SLC35F3: variants seen among roughly 807,000 people sequenced by gnomAD.
SLC35F3 encodes the protein putative thiamine transporter SLC35F3.
In SLC35F3, 25 loss-of-function variants were observed where a neutral mutation model predicts 49.9. The ratio of observed to expected loss-of-function variants is 0.50; its 90% CI spans 0.37 to 0.70. The LOEUF (loss-of-function observed/expected upper bound fraction) is 0.70, where lower values mean the gene tolerates loss of function less well. Among genes scored for constraint, SLC35F3 ranks in the 30% least tolerant of loss-of-function variants. The pLI is 0.00. For synonymous variants in SLC35F3, 275 were observed against 265.4 expected (o/e 1.04, Z -0.35); for missense variants, 525 against 639.8 (o/e 0.82, Z 1.94).
intron 3 of SLC35F3, among the ~76,000 whole-genome samples, chr1:234,259,625 G>A (rs986744501): frequency 2.0e-5 from 3 of 152,072 alleles, no homozygotes; most frequent in Admixed American, 2.0e-4. Flanking sequence ...AGTGAGCGGA[G>A]ATCGTGCCGC....
At chr1:234,099,338 G>T (rs916341452) in intron 2 of SLC35F3, among the ~76,000 whole-genome samples, 1 of 152,118 alleles carries the variant, frequency 6.6e-6, no homozygotes, top group African/African-American at 2.4e-5. Context: ...CCGGCCGTGC[G>T]CTGTGGCTCA....
intron 2 of SLC35F3, among the ~76,000 whole-genome samples, chr1:234,054,621 G>T (rs904319748): frequency 5.3e-5 from 8 of 152,008 alleles, no homozygotes; most frequent in Non-Finnish European, 8.8e-5. Context: ...ATTACCGATT[G>T]TCTGAAGCCT....
intron 2 of SLC35F3, among the ~76,000 whole-genome samples, chr1:233,925,324 G>A (rs570115778): frequency 1.1e-4 from 17 of 152,208 alleles, no homozygotes; most frequent in African/African-American, 3.4e-4. Context: ...CTCCAGTATT[G>A]GGTGCATATA....
At chr1:233,953,227 C>T (rs1662635487) in intron 2 of SLC35F3, among the ~76,000 whole-genome samples, 1 of 151,682 alleles carries the variant, frequency 6.6e-6, no homozygotes. Context: ...AGAAAAGATA[C>T]AAAAACATTA....
intron 2 of SLC35F3, among the ~76,000 whole-genome samples, chr1:234,227,548 A>C (rs12043371): frequency 0.17 from 25,302 of 151,744 alleles, 3,848 homozygotes; most frequent in East Asian, 0.8. Flanking sequence ...ACAGGTGCCC[A>C]CCACCACGCC....
intron 2 of SLC35F3, among the ~76,000 whole-genome samples, chr1:234,081,801 G>A (rs1039160062): frequency 3.3e-5 from 5 of 150,558 alleles, no homozygotes; most frequent in South Asian, 2.1e-4. Flanking sequence ...GCAGTGGCGC[G>A]ATCTGGGCTC....
rs868216237 is a variant in SLC35F3 at position 234,225,113 on chromosome 1, G to A, written c.284-6304G>A. Among the ~76,000 whole-genome samples, 8 of 152,318 alleles carry A rather than the reference G, an allele frequency of 5.3e-5. No individual in the cohort carries two copies. In the South Asian group the frequency reaches 6.2e-4, roughly 12 times the overall value. ...AAGTGGGTTGGGACACGTGAAGTGC[G>A]AATTGCTTTGGGACGTTTGGGGCAT... On this transcript the variant is annotated intron_variant, in intron 2 of 7. Coordinates refer to ENST00000366618, the MANE Select transcript of SLC35F3 (RefSeq NM_173508.4).
chr1:234,266,245 T>TA (rs778455608), intron 3 of SLC35F3, among the ~76,000 whole-genome samples: 40 of 152,022 alleles, frequency 2.6e-4, no homozygotes, highest in South Asian at 1.3e-3. Context: ...CTGCATATTA[T>TA]AAAAAAATAC....
intron 2 of SLC35F3, among the ~76,000 whole-genome samples, chr1:233,925,912 G>T (rs1662149880): frequency 6.6e-6 from 1 of 152,178 alleles, no homozygotes; most frequent in South Asian, 2.1e-4. Flanking sequence ...GGCTGGATAT[G>T]AAATTCTGGG....
chr1:233,962,065 A>G (rs994598326), intron 2 of SLC35F3, among the ~76,000 whole-genome samples: 12 of 152,204 alleles, frequency 7.9e-5, no homozygotes, highest in Admixed American at 7.9e-4. Context: ...AGATATGATC[A>G]TTGTAGCAAC....
intron 2 of SLC35F3, among the ~76,000 whole-genome samples, chr1:233,933,547 G>A (rs1662279301): frequency 6.6e-6 from 1 of 152,094 alleles, no homozygotes; most frequent in East Asian, 1.9e-4. Context: ...GAGGTGAAGA[G>A]CATTTCAGGG....
intron 2 of SLC35F3, among the ~76,000 whole-genome samples, chr1:234,014,725 A>G (rs1663776661): frequency 6.6e-6 from 1 of 152,232 alleles, no homozygotes; most frequent in Non-Finnish European, 1.5e-5. Context: ...AATTCCATTT[A>G]CGCTAACTAA....
chr1:233,952,981 T>C (rs972565811), intron 2 of SLC35F3, among the ~76,000 whole-genome samples: 2 of 152,132 alleles, frequency 1.3e-5, no homozygotes, highest in Non-Finnish European at 2.9e-5. Context: ...TCTTCCCAAA[T>C]GGAGGGCTCT....
chr1:233,913,333 G>A (rs1348597914), intron 2 of SLC35F3, among the ~76,000 whole-genome samples: 1 of 152,178 alleles, frequency 6.6e-6, no homozygotes, highest in African/African-American at 2.4e-5. Context: ...GTCATCTGAT[G>A]CCTGTCACCT....
chr1:234,210,269 A>T (rs1394718390), intron 2 of SLC35F3, among the ~76,000 whole-genome samples: 2 of 152,148 alleles, frequency 1.3e-5, no homozygotes, highest in African/African-American at 2.4e-5. Context: ...AGTCTTGGGT[A>T]TGTCTTTATC....
At chr1:234,237,213 G>T (rs1667488928) in intron 3 of SLC35F3, among the ~76,000 whole-genome samples, 1 of 151,932 alleles carries the variant, frequency 6.6e-6, no homozygotes, top group African/African-American at 2.4e-5. Context: ...ACAGCATACG[G>T]TCCCATTTCA....
In SLC35F3 at chr1:234,214,659, G is replaced by A; in HGVS notation, c.284-16758G>A. The A allele has an allele frequency of 6.9e-7, 1 of 1,449,908 alleles. No individual in the cohort carries two copies. Among genetic ancestry groups the A allele is most frequent in the Non-Finnish European group, 9.1e-7 (1 of 1,094,100 alleles). The allele number at this position is 1,449,908 out of a possible 1,614,324, so 89.8% of individuals were successfully genotyped here. A position where few individuals can be genotyped will look rare whatever the true frequency, so the allele number is the denominator to read the frequency against. ...CCTGAGGGGGGCTGTCTGGCTGCGG[G>A]GCGCCGGGGCTGGGGGTACTGCTCC... On this transcript the variant is annotated intron_variant, in intron 2 of 7. Transcript: ENST00000366618. This position sits in a 1 kb window ranked among gnomAD's most constrained non-coding sequence, Gnocchi z 8.0.
chr1:234,279,532 A>G (rs142274821), intron 3 of SLC35F3, among the ~76,000 whole-genome samples: 1 of 152,314 alleles, frequency 6.6e-6, no homozygotes, highest in African/African-American at 2.4e-5. Context: ...ACAGAGAGCC[A>G]GGAGCTGAGT....
chr1:234,183,610 C>T (rs1348717076), intron 2 of SLC35F3, among the ~76,000 whole-genome samples: 2 of 142,694 alleles, frequency 1.4e-5, no homozygotes, highest in African/African-American at 2.4e-5. Flanking sequence ...GATACTGTGT[C>T]GCTGGCCTGG....
Sources: allele counts gnomAD v4.1 joint callset (sites outside exome capture counted in the v4.1 genomes callset), GRCh38; gene constraint gnomAD v4.1.1; non-coding constraint Gnocchi (gnomAD v3.1); transcripts MANE v1.5; gene names NCBI Gene and HGNC (gene_info 2026-07-23, HGNC 2026-07-21).